CFAP74: variants seen among roughly 807,000 people sequenced by gnomAD.
CFAP74 encodes cilia and flagella associated protein 74.
A neutral mutation model predicts 188.9 loss-of-function variants in CFAP74; 124 were observed. That is an observed-to-expected ratio of 0.66 (90% confidence interval 0.57 to 0.76). CFAP74 has a LOEUF of 0.76. Ranked by LOEUF, CFAP74 falls within the 30% of genes least tolerant of loss-of-function variation. The pLI is 0.00. For synonymous variants in CFAP74, 956 were observed against 916.7 expected (o/e 1.04, Z -0.77); for missense variants, 2,198 against 2,165.2 (o/e 1.02, Z -0.30).
chr1:1,977,516 A>C (rs957546140), intron 6 of CFAP74, among the ~76,000 whole-genome samples: 6 of 152,322 alleles, frequency 3.9e-5, no homozygotes, highest in Admixed American at 2.0e-4. Context: ...CCCAGGGGCA[A>C]GAACAAAGTC....
intron 6 of CFAP74, among the ~76,000 whole-genome samples, chr1:1,977,663 C>G (rs1656537558): frequency 6.6e-6 from 1 of 152,192 alleles, no homozygotes; most frequent in Non-Finnish European, 1.5e-5. Flanking sequence ...CGAGGCTGGC[C>G]TGGGCATCTG....
intron 1 of CFAP74, among the ~76,000 whole-genome samples, chr1:1,995,676 G>C (rs1657880142): frequency 1.3e-5 from 2 of 152,012 alleles, no homozygotes; most frequent in South Asian, 4.2e-4. Context: ...TTGGGAGGCA[G>C]AGGTGGGTGG....
chr1:1,988,995 T>TAA (rs144487103), intron 2 of CFAP74, 22 bp from the exon 3 acceptor site: 1,713 of 913,110 alleles, frequency 1.9e-3, no homozygotes, highest in Non-Finnish European at 2.3e-3. Flanking sequence ...GGCAAGAGTT[T>TAA]AAAAAAAAAA....
intron 1 of CFAP74, among the ~76,000 whole-genome samples, chr1:1,995,589 G>A (rs1484915580): frequency 1.3e-5 from 2 of 151,732 alleles, no homozygotes; most frequent in Non-Finnish European, 2.9e-5. Context: ...GCAAGCTAAA[G>A]GGAAGTATAT....
chr1:1,941,168 A>C (rs1373522385), intron 22 of CFAP74, among the ~76,000 whole-genome samples: 1 of 152,120 alleles, frequency 6.6e-6, no homozygotes, highest in East Asian at 1.9e-4. Flanking sequence ...AGAAAGAAAA[A>C]CATCAGCCTC....
At chr1:1,941,513 C>T (rs1016163819) in intron 22 of CFAP74, among the ~76,000 whole-genome samples, 3 of 152,224 alleles carry the variant, frequency 2.0e-5, no homozygotes. Flanking sequence ...AGCTGGGTGA[C>T]AGGGACACCC....
chr1:1,946,353 C>A lies in CFAP74; in HGVS notation c.2328G>T (p.Arg776Ser). The A allele has an allele frequency of 6.5e-7, 1 of 1,536,782 alleles. No individual in the cohort carries two copies. The highest frequency in any genetic ancestry group is 2.0e-5 in the Admixed American group (1 of 50,992). ...GGGGGTTCTTAAACGTGACTTTGAA[C>A]CTGGCTTGGACGTCGCCTGGGACGA... ...TPVVPGDVQA[R>S]FKVTFKNPQC... Residue 776 changes from arginine to serine, a missense_variant, in exon 20 of 39, where the codon AGG (arginine) becomes AGT (serine). Physicochemically the swap from Arg to Ser is moderately radical, Grantham distance 110. Transcript: ENST00000682832.
intron 18 of CFAP74, among the ~76,000 whole-genome samples, chr1:1,948,412 A>ATATAT (rs1653930331): frequency 1.4e-5 from 2 of 144,408 alleles, no homozygotes; most frequent in African/African-American, 5.1e-5. Flanking sequence ...GGCATATATA[A>ATATAT]ATATATATAT....
chr1:1,949,631 G>A (rs4648596), intron 18 of CFAP74, among the ~76,000 whole-genome samples: 22,832 of 151,918 alleles, frequency 0.15, 3,332 homozygotes, highest in African/African-American at 0.38. Context: ...TGGCCCCACC[G>A]TGCCCACGTC....
rs1570800984 is a variant in CFAP74, at chr1:1,922,026, T to G, written c.*261A>C. 2.1e-6 allele frequency: 1 copy of G among 479,542 alleles called. No homozygotes were observed. The highest frequency in any genetic ancestry group is 3.7e-6 in the Non-Finnish European group (1 of 269,616). 29.7% of individuals were successfully genotyped at this position (479,542 alleles called of 1,614,324 possible). A position where few individuals can be genotyped will look rare whatever the true frequency, so the allele number is the denominator to read the frequency against. On this transcript the variant is annotated 3_prime_UTR_variant, in exon 39 of 39. Transcript: ENST00000682832. ...CTGGGGGCTGGGGGCTCTGAGGGGG[T>G]CTGGCTAGGATGGCTGAGGGCTGGC...
rs150607700 is a variant in CFAP74, at chr1:1,972,741, G to A, written c.785+196C>T. Among the ~76,000 whole-genome samples the A allele has an allele frequency of 2.6e-3, 396 of 152,356 alleles. 1 individual carries two copies. The highest frequency in any genetic ancestry group is 9.2e-3 in the African/African-American group (384 of 41,584). Reference sequence around the variant, plus strand: ...CGTGCCTGTAATCCCAGCTACTCAGGAGGCTCAGGCAGGAGAATCGCTTGA... The same window carrying A: ...CGTGCCTGTAATCCCAGCTACTCAGAAGGCTCAGGCAGGAGAATCGCTTGA... On this transcript the variant is annotated intron_variant, in intron 8 of 38. Coordinates refer to ENST00000682832, the MANE Select transcript of CFAP74 (RefSeq NM_001304360.2).
intron 25 of CFAP74, among the ~76,000 whole-genome samples, chr1:1,938,110 T>C (rs941560127): frequency 2.3e-5 from 3 of 128,438 alleles, no homozygotes; most frequent in South Asian, 2.5e-4. Flanking sequence ...CACACCCACA[T>C]ACATGCACTC....
In CFAP74 at chr1:1,998,490, C is replaced by G. The variant is rs76255010; in HGVS notation, c.-20+5211G>C. On this transcript the variant is annotated intron_variant, in intron 1 of 38. Coordinates refer to ENST00000682832, the MANE Select transcript of CFAP74 (RefSeq NM_001304360.2). ...GCTGTGAGGCTGATAGTTGCTGAGG[C>G]AGGGACGGGCACCTGGGGCTTCGTA... Among the ~76,000 whole-genome samples, 1,175 of 152,204 alleles carry G rather than the reference C, an allele frequency of 7.7e-3. 8 individuals are homozygous for G. The highest frequency in any genetic ancestry group is 0.013 in the South Asian group (62 of 4,822).
In CFAP74 at chr1:1,963,905, C is replaced by G. The variant is rs369631557; in HGVS notation, c.1576-38G>C. ...GAGGTAGCAGCTTCAGAGCGGGTCA[C>G]AGGGGGCTGTGCTGTGAGCACCGAG... On this transcript the variant is annotated intron_variant, in intron 13 of 38. Transcript: ENST00000682832. 1.7e-5 allele frequency: 24 copies of G among 1,377,478 alleles called. 1 individual carries two copies. Among genetic ancestry groups the G allele is most frequent in the African/African-American group, 1.4e-4 (10 of 70,326 alleles). 85.3% of individuals were successfully genotyped at this position (1,377,478 alleles called of 1,614,324 possible).
chr1:1,969,916 C>CG (rs1364847519), intron 10 of CFAP74, among the ~76,000 whole-genome samples: 8 of 152,186 alleles, frequency 5.3e-5, no homozygotes, highest in Admixed American at 5.2e-4. Flanking sequence ...GCCAGGCTCC[C>CG]GGGATGAGGG....
intron 24 of CFAP74, 110 bp from the exon 25 acceptor site, chr1:1,939,098 G>A (rs1033368610): frequency 1.6e-5 from 18 of 1,152,218 alleles, no homozygotes; most frequent in African/African-American, 3.1e-5. Context: ...GTGTGTGAGC[G>A]AATGTGAGGG....
intron 6 of CFAP74, among the ~76,000 whole-genome samples, chr1:1,981,025 G>A (rs1006975359): frequency 4.6e-5 from 7 of 152,316 alleles, no homozygotes; most frequent in East Asian, 1.9e-4. Flanking sequence ...CCTCGTGGCC[G>A]CCACCTGTCC....
At chr1:1,992,668 G>A (rs932863704) in intron 1 of CFAP74, among the ~76,000 whole-genome samples, 24 of 150,668 alleles carry the variant, frequency 1.6e-4, no homozygotes, top group African/African-American at 5.9e-4. Flanking sequence ...TAGAGATGGG[G>A]TTTCACTGTG....
rs140609986 is a variant in CFAP74 at position 1,974,756 on chromosome 1, C to A, written c.501-558G>T. Among the ~76,000 whole-genome samples, 56 of 152,374 alleles carry A rather than the reference C, an allele frequency of 3.7e-4. No homozygotes were observed. In the East Asian group the frequency reaches 0.01, roughly 28 times the overall value. On this transcript the variant is annotated intron_variant, in intron 6 of 38. Coordinates refer to ENST00000682832, the MANE Select transcript of CFAP74 (RefSeq NM_001304360.2). Reference sequence around the variant, plus strand: ...GTGAGTGTGGCGTCTGTGGTGGCCCCAGATGACACAGTGCCCCTTGGTTCT... The same window carrying A: ...GTGAGTGTGGCGTCTGTGGTGGCCCAAGATGACACAGTGCCCCTTGGTTCT...
Sources: gnomAD v4.1 joint callset for allele counts (sites outside exome capture counted in the v4.1 genomes callset) on GRCh38, gnomAD v4.1.1 for gene constraint, MANE v1.5 for transcripts, NCBI Gene and HGNC (gene_info 2026-07-23, HGNC 2026-07-21) for gene names.